MGAT4C: variants seen among roughly 807,000 people sequenced by gnomAD.
MGAT4C encodes the protein alpha-1,3-mannosyl-glycoprotein 4-beta-N-acetylglucosaminyltransferase C.
MGAT4C carries 19 observed loss-of-function variants against 40.1 expected under a neutral mutation model. The observed-to-expected ratio is 0.47, with a 90% CI of 0.33 to 0.70. MGAT4C has a LOEUF of 0.70. MGAT4C is among the 30% of genes least tolerant of loss of function. MGAT4C has a pLI of 0.02. For missense variants in MGAT4C, 491 were observed against 563.2 expected, an observed-to-expected ratio of 0.87 and a Z score of 1.30; for synonymous variants, 181 against 187.1, an observed-to-expected ratio of 0.97 and a Z score of 0.27.
At chr12:86,686,170 C>T (rs1338658315) in intron 2 of MGAT4C, among the ~76,000 whole-genome samples, 1 of 151,990 alleles carries the variant, frequency 6.6e-6, no homozygotes, top group African/African-American at 2.4e-5. Context: ...TGAGCCACTG[C>T]ACCCGGCTGA....
rs1879351174 is a variant in MGAT4C, at chr12:86,121,382, G to C, written c.-56-71659C>G. 1.3e-5 allele frequency among the ~76,000 whole-genome samples: 2 copies of C among 152,072 alleles called. 1 individual carries two copies. The highest frequency in any genetic ancestry group is 4.2e-4 in the South Asian group (2 of 4,812). On this transcript the variant is annotated intron_variant, in intron 1 of 4. Coordinates refer to ENST00000611864, the MANE Select transcript of MGAT4C (RefSeq NM_001351288.2). Reference sequence around the variant, plus strand: ...CAAGGCAGGCCAACATTCAAATTCAGGAAATACAGAGAACACCACAAAGAT... The same window carrying C: ...CAAGGCAGGCCAACATTCAAATTCACGAAATACAGAGAACACCACAAAGAT...
In MGAT4C at chr12:85,958,813, T is replaced by TA. The variant is rs530750912; in HGVS notation, c.*20475dup. ...AACATAAATGTATTCTTTAGAGAGT[T>TA]AAAAAAAGTAGCAATAAAATACATT... On this transcript the variant is annotated 3_prime_UTR_variant, in exon 5 of 5. Coordinates refer to ENST00000611864, the MANE Select transcript of MGAT4C (RefSeq NM_001351288.2). The TA allele has an allele frequency of 1.9e-3, 294 of 152,134 alleles. No individual in the cohort carries two copies. Among genetic ancestry groups the TA allele is most frequent in the African/African-American group, 6.7e-3 (278 of 41,538 alleles). The allele number at this position is 152,134 out of a possible 1,614,324, so 9.4% of individuals were successfully genotyped here. A position where few individuals can be genotyped will look rare whatever the true frequency, so the allele number is the denominator to read the frequency against.
chr12:86,740,910 G>T (rs1951058996), intron 1 of MGAT4C, among the ~76,000 whole-genome samples: 1 of 150,956 alleles, frequency 6.6e-6, no homozygotes, highest in Non-Finnish European at 1.5e-5. Flanking sequence ...ATGGGTATAT[G>T]ATGTGATATT....
At chr12:86,630,442 C>A (rs1355515986) in intron 2 of MGAT4C, among the ~76,000 whole-genome samples, 1 of 152,034 alleles carries the variant, frequency 6.6e-6, no homozygotes, top group Non-Finnish European at 1.5e-5. Flanking sequence ...CTGGCAGAGA[C>A]ACACAAAAAA....
rs35922751 is a variant in MGAT4C at position 86,409,282 on chromosome 12, G to T, written c.-120+25875C>A. On this transcript the variant is annotated intron_variant, in intron 3 of 7. Coordinates refer to the MGAT4C transcript ENST00000548651. ...TAGGTGCTGAAAATAGTAATAATAA[G>T]AAGAATAATAGTATTCCACAATTAA... Among the ~76,000 whole-genome samples, 877 of 152,202 alleles carry T rather than the reference G, an allele frequency of 5.8e-3. 6 individuals carry two copies. The highest frequency in any genetic ancestry group is 9.7e-3 in the Non-Finnish European group (657 of 67,992).
intron 1 of MGAT4C, among the ~76,000 whole-genome samples, chr12:86,203,748 A>G (rs921897234): frequency 6.6e-6 from 1 of 151,830 alleles, no homozygotes; most frequent in African/African-American, 2.4e-5. Flanking sequence ...ACCTGAGGTC[A>G]GGAGTTTGAG....
chr12:86,797,486 AT>A (rs201169256), intron 1 of MGAT4C, among the ~76,000 whole-genome samples: 2 of 151,650 alleles, frequency 1.3e-5, no homozygotes, highest in Admixed American at 6.6e-5. Context: ...TGTAACAGAT[AT>A]TTTTTTTCAA....
intron 2 of MGAT4C, among the ~76,000 whole-genome samples, chr12:86,508,279 A>C (rs1958507761): frequency 1.3e-5 from 2 of 151,952 alleles, no homozygotes. Context: ...TCATTGTTCA[A>C]TTCCCACCTA....
intron 2 of MGAT4C, among the ~76,000 whole-genome samples, chr12:86,649,674 G>A (rs1963643159): frequency 6.6e-6 from 1 of 151,832 alleles, no homozygotes; most frequent in East Asian, 2.0e-4. Flanking sequence ...CAGATTGAAG[G>A]AAAATGTACC....
chr12:86,171,148 G>A (rs188585019), intron 1 of MGAT4C, among the ~76,000 whole-genome samples: 2 of 152,202 alleles, frequency 1.3e-5, no homozygotes, highest in East Asian at 1.9e-4. Flanking sequence ...GAAGTGGGTG[G>A]ATCACGAGGT....
At chr12:86,136,108 TA>T (rs1566033666) in intron 1 of MGAT4C, among the ~76,000 whole-genome samples, 2 of 152,222 alleles carry the variant, frequency 1.3e-5, no homozygotes, top group Non-Finnish European at 2.9e-5. Flanking sequence ...TTGCAAACAT[TA>T]TTGTTTAAAA....
chr12:86,309,418 A>C (rs2136148615), intron 4 of MGAT4C, among the ~76,000 whole-genome samples: 1 of 152,312 alleles, frequency 6.6e-6, no homozygotes, highest in Non-Finnish European at 1.5e-5. Flanking sequence ...CCACTATCAA[A>C]GTGCAGGCAT....
chr12:86,359,627 A>C (rs978815160), intron 3 of MGAT4C, among the ~76,000 whole-genome samples: 7 of 152,214 alleles, frequency 4.6e-5, no homozygotes, highest in Admixed American at 1.3e-4. Context: ...AAATAGACGC[A>C]ATAAAAAATG....
chr12:86,332,785 T>G (rs905188920), intron 4 of MGAT4C, among the ~76,000 whole-genome samples: 2 of 152,102 alleles, frequency 1.3e-5, no homozygotes, highest in Non-Finnish European at 2.9e-5. Context: ...AGCTAGGCCA[T>G]TAAATTGAAA....
intron 3 of MGAT4C, among the ~76,000 whole-genome samples, chr12:86,372,646 C>A (rs932136077): frequency 4.6e-5 from 7 of 151,788 alleles, no homozygotes; most frequent in Non-Finnish European, 1.0e-4. Context: ...TAGTGGCAAT[C>A]TAAAAACAAA....
chr12:86,155,113 A>T (rs982727004), intron 1 of MGAT4C, among the ~76,000 whole-genome samples: 2 of 152,192 alleles, frequency 1.3e-5, no homozygotes, highest in Non-Finnish European at 2.9e-5. Flanking sequence ...AATTACGGGA[A>T]GAGGGAATTA....
intron 2 of MGAT4C, among the ~76,000 whole-genome samples, chr12:86,609,367 A>C (rs1286761915): frequency 2.0e-5 from 3 of 152,186 alleles, no homozygotes; most frequent in African/African-American, 4.8e-5. Flanking sequence ...CAGAATCAAT[A>C]TTTGTTATGC....
In MGAT4C at chr12:86,509,394, A is replaced by G. The variant is rs1260721515; in HGVS notation, c.-228-74129T>C. On this transcript the variant is annotated intron_variant, in intron 2 of 7. Transcript: ENST00000548651. The stretch of plus-strand genomic sequence containing the variant: ...GTAGATATGCAGCATTATTTCTGAG[A>G]GCTCTGTTCTGTTCCATTGATCTAT... Among the ~76,000 whole-genome samples the G allele has an allele frequency of 3.9e-5, 6 of 152,126 alleles. No homozygotes were observed. In the South Asian group the frequency reaches 6.2e-4, roughly 16 times the overall value.
chr12:85,999,034 T>G (rs11117151), intron 2 of MGAT4C, among the ~76,000 whole-genome samples: 38,882 of 151,598 alleles, frequency 0.26, 5,661 homozygotes, highest in Non-Finnish European at 0.33. Flanking sequence ...GGCTGGGGAG[T>G]CCTCACAAAC....
Sources: allele counts gnomAD v4.1 joint callset (sites outside exome capture counted in the v4.1 genomes callset), GRCh38; gene constraint gnomAD v4.1.1; transcripts MANE v1.5; gene names NCBI Gene and HGNC (gene_info 2026-07-23, HGNC 2026-07-21).